The following EDNRB variants were observed in gnomAD, a reference collection of about 807,000 sequenced individuals.
EDNRB encodes endothelin receptor type B.
EDNRB carries 18 observed loss-of-function variants against 46.4 expected under a neutral mutation model. The observed-to-expected ratio is 0.39, with a 90% CI of 0.27 to 0.57. EDNRB has a LOEUF of 0.57. EDNRB is among the 20% of genes least tolerant of loss of function. The pLI is 0.61. For synonymous variants in EDNRB, 213 were observed against 204.9 expected (o/e 1.04, Z -0.34); for missense variants, 434 against 537.5 (o/e 0.81, Z 1.90).
At chr13:77,944,906 G>A (rs1472903022) in intron 1 of EDNRB, 1 of 152,176 alleles carries the variant, frequency 6.6e-6, no homozygotes, top group East Asian at 1.9e-4. Flanking sequence ...AAGTTTTAAA[G>A]TTAGTAGTAA....
At chr13:77,960,817 A>G (rs1881387063) in intron 1 of EDNRB, among the ~76,000 whole-genome samples, 3 of 150,596 alleles carry the variant, frequency 2.0e-5, no homozygotes, top group Admixed American at 6.6e-5. Context: ...AGACACACAT[A>G]GGCTCAAAAT....
intron 1 of EDNRB, among the ~76,000 whole-genome samples, chr13:77,906,573 A>T (rs1879291839): frequency 6.6e-6 from 1 of 151,982 alleles, no homozygotes; most frequent in Non-Finnish European, 1.5e-5. Flanking sequence ...TCATGAGGAC[A>T]CTCAAGCACC....
At position 77,897,325 on chromosome 13, in the gene EDNRB, T is replaced by A. The variant is rs1878683363; in HGVS notation, c.*875A>T. Reference sequence around the variant, plus strand: ...TAGTGAAAGAAGAAGATTTTAATAATCCTGAAAAAATTGTAGATAGTATTG... The same window carrying A: ...TAGTGAAAGAAGAAGATTTTAATAAACCTGAAAAAATTGTAGATAGTATTG... On this transcript the variant is annotated 3_prime_UTR_variant, in exon 7 of 7. Coordinates refer to ENST00000646607, the MANE Select transcript of EDNRB (RefSeq NM_001122659.3). The A allele has an allele frequency of 1.0e-6, 1 of 985,104 alleles. No individual in the cohort carries two copies. Among genetic ancestry groups the A allele is most frequent in the African/African-American group, 1.7e-5 (1 of 57,204 alleles). The allele number at this position is 985,104 out of a possible 1,614,324, so 61.0% of individuals were successfully genotyped here.
chr13:77,938,204 G>C (rs570653186), intron 1 of EDNRB, among the ~76,000 whole-genome samples: 1 of 152,206 alleles, frequency 6.6e-6, no homozygotes, highest in African/African-American at 2.4e-5. Context: ...AGAAAAGAGA[G>C]AGTAGAGACA....
chr13:77,926,772 C>T (rs978980756), intron 1 of EDNRB, among the ~76,000 whole-genome samples: 4 of 152,078 alleles, frequency 2.6e-5, no homozygotes, highest in Non-Finnish European at 4.4e-5. Context: ...TGTATTAGTC[C>T]GTTTTCATGC....
chr13:77,898,470 C>G (rs1408576629), intron 6 of EDNRB, 136 bp from the exon 7 acceptor site: 2 of 1,270,554 alleles, frequency 1.6e-6, no homozygotes, highest in Admixed American at 5.0e-5. Context: ...TTTATTTTCC[C>G]TCTTAAAAGA....
At chr13:77,927,042 C>CAA (rs1287023661) in intron 1 of EDNRB, among the ~76,000 whole-genome samples, 1 of 152,168 alleles carries the variant, frequency 6.6e-6, no homozygotes. Context: ...CAGGTATCTC[C>CAA]AACAACATGT....
Position 77,900,648 on chromosome 13 carries a change from C to G in EDNRB, c.958G>C (p.Glu320Gln). 1 of 1,612,190 alleles carries G rather than the reference C, an allele frequency of 6.2e-7. No homozygotes were observed. Among genetic ancestry groups the G allele is most frequent in the Non-Finnish European group, 8.5e-7 (1 of 1,178,928 alleles). ...AGGCAAAAGACGGTTTTGGCCACTT[C>G]CCGTCTCTGAAATAAATCCATAGTT... ...ALNDHLKQRREVAKTVFCLVL... is the reference protein window; with the variant it reads ...ALNDHLKQRRQVAKTVFCLVL... Residue 320 changes from glutamate to glutamine, a missense_variant, in exon 5 of 7, where the codon GAA becomes CAA. Physicochemically the swap from Glu to Gln is conservative, Grantham distance 29. Coordinates refer to ENST00000646607, the MANE Select transcript of EDNRB (RefSeq NM_001122659.3).
At chr13:77,958,049 G>A (rs556588882) in intron 1 of EDNRB, among the ~76,000 whole-genome samples, 36 of 152,254 alleles carry the variant, frequency 2.4e-4, no homozygotes, top group African/African-American at 8.4e-4. Context: ...ACTAGAGCTG[G>A]GCTTCCTATT....
intron 1 of EDNRB, among the ~76,000 whole-genome samples, chr13:77,973,962 C>A (rs1176498154): frequency 6.7e-6 from 1 of 148,494 alleles, no homozygotes; most frequent in East Asian, 2.0e-4. Flanking sequence ...AAGATGATAA[C>A]CATTTTTTTC....
intron 3 of EDNRB, among the ~76,000 whole-genome samples, chr13:77,901,419 C>G (rs1048749564): frequency 2.0e-5 from 3 of 151,954 alleles, no homozygotes; most frequent in African/African-American, 7.2e-5. Flanking sequence ...TATTTCAGTT[C>G]TCTAAGACAA....
chr13:77,948,906 A>G (rs536642734), intron 1 of EDNRB, among the ~76,000 whole-genome samples: 1 of 152,160 alleles, frequency 6.6e-6, no homozygotes, highest in East Asian at 1.9e-4. Context: ...GTAAAACATA[A>G]AAGATTGCTG....
chr13:77,924,941 G>C (rs1209348574), intron 1 of EDNRB, among the ~76,000 whole-genome samples: 5 of 152,174 alleles, frequency 3.3e-5, no homozygotes, highest in Admixed American at 2.6e-4. Flanking sequence ...GGTCTCCCCA[G>C]CTATGTGGAG....
At chr13:77,900,989 A>T (rs1878943416) in intron 4 of EDNRB, 69 bp downstream of exon 4, 3 of 1,567,612 alleles carry the variant, frequency 1.9e-6, no homozygotes, top group African/African-American at 1.4e-5. Flanking sequence ...TATCATCATC[A>T]TCATCATAAT....
chr13:77,947,685 T>A (rs1880969700), intron 1 of EDNRB: 1 of 152,232 alleles, frequency 6.6e-6, no homozygotes, highest in Non-Finnish European at 1.5e-5. Context: ...CATAGTATGT[T>A]ACAGCGCAGA....
intron 1 of EDNRB, among the ~76,000 whole-genome samples, chr13:77,964,416 G>A (rs1881519046): frequency 6.6e-6 from 1 of 152,126 alleles, no homozygotes; most frequent in African/African-American, 2.4e-5. Context: ...GAGAAAATGT[G>A]GCACATATAC....
intron 1 of EDNRB, among the ~76,000 whole-genome samples, chr13:77,912,649 TG>T (rs1367724619): frequency 6.6e-6 from 1 of 152,132 alleles, no homozygotes; most frequent in Non-Finnish European, 1.5e-5. Context: ...TCAGGGTATT[TG>T]CTGTATTGTT....
At chr13:77,919,138 C>A (rs890819656), upstream of EDNRB, 2 of 520,688 alleles carry the variant, frequency 3.8e-6, no homozygotes, top group East Asian at 3.8e-5. Context: ...AGCTACAGCT[C>A]CCGCAGCGCG....
intron 1 of EDNRB, among the ~76,000 whole-genome samples, chr13:77,907,919 T>C (rs1879362974): frequency 1.4e-5 from 2 of 147,410 alleles, no homozygotes; most frequent in South Asian, 4.3e-4. Flanking sequence ...AACTGAAAAT[T>C]ATAACAATGC....
Sources: allele counts gnomAD v4.1 joint callset (sites outside exome capture counted in the v4.1 genomes callset), GRCh38; gene constraint gnomAD v4.1.1; transcripts MANE v1.5; gene names NCBI Gene and HGNC (gene_info 2026-07-23, HGNC 2026-07-21).